Variants in RBMS3 observed in about 807,000 individuals in gnomAD.
RBMS3 encodes the protein RNA binding motif single stranded interacting protein 3.
RBMS3 carries 27 observed loss-of-function variants against 66.8 expected under a neutral mutation model. The ratio of observed to expected loss-of-function variants is 0.40; its 90% CI spans 0.30 to 0.56. The LOEUF (loss-of-function observed/expected upper bound fraction) is 0.56, where lower values mean the gene tolerates loss of function less well. RBMS3 is among the 20% of genes least tolerant of loss of function. The pLI is 0.40. For missense variants in RBMS3, 513 were observed against 549.5 expected (o/e 0.93, Z 0.66); for synonymous variants, 188 against 183.0 (o/e 1.03, Z -0.22).
intron 1 of RBMS3, among the ~76,000 whole-genome samples, chr3:29,287,763 C>T (rs2032483401): frequency 6.6e-6 from 1 of 152,020 alleles, no homozygotes; most frequent in South Asian, 2.1e-4. Context: ...TACTAATCAT[C>T]ACTACCATTC....
intron 4 of RBMS3, among the ~76,000 whole-genome samples, chr3:29,711,937 C>T (rs758723373): frequency 1.3e-5 from 2 of 152,274 alleles, no homozygotes; most frequent in African/African-American, 2.4e-5. Flanking sequence ...GACAACTGCT[C>T]ATGTATCTTT....
At chr3:29,819,265 G>A (rs1373645841) in intron 6 of RBMS3, among the ~76,000 whole-genome samples, 2 of 152,146 alleles carry the variant, frequency 1.3e-5, no homozygotes, top group Non-Finnish European at 2.9e-5. Context: ...GGGCCAACTA[G>A]TAAATATTTT....
chr3:29,309,420 C>T (rs78639787), intron 1 of RBMS3, among the ~76,000 whole-genome samples: 3,559 of 151,666 alleles, frequency 0.023, 122 homozygotes, highest in African/African-American at 0.073. Context: ...ACAACAAACC[C>T]TTTGGGCGTA....
At chr3:29,997,640 G>C (rs1342363311) in intron 14 of RBMS3, among the ~76,000 whole-genome samples, 1 of 151,582 alleles carries the variant, frequency 6.6e-6, no homozygotes, top group Non-Finnish European at 1.5e-5. Flanking sequence ...ATGTAATCCA[G>C]CATATAAACA....
In RBMS3 at chr3:29,897,679, T is replaced by G. The variant is rs747705395; in HGVS notation, c.888+204T>G. Among the ~76,000 whole-genome samples the G allele has an allele frequency of 1.9e-4, 29 of 151,690 alleles. 1 individual carries two copies. The highest frequency in any genetic ancestry group is 1.2e-3 in the Admixed American group (18 of 15,182). On this transcript the variant is annotated intron_variant, in intron 9 of 14. Coordinates refer to ENST00000383767, the MANE Select transcript of RBMS3 (RefSeq NM_001003793.3). ...ATTCACTGGATAATAAAATCCACTATGCTTTTCATTCTTCCTGCTGAGTTT... is the reference window on the plus strand; with the variant it reads ...ATTCACTGGATAATAAAATCCACTAGGCTTTTCATTCTTCCTGCTGAGTTT...
chr3:29,732,947 A>G (rs1262851976), intron 4 of RBMS3, among the ~76,000 whole-genome samples: 1 of 152,090 alleles, frequency 6.6e-6, no homozygotes, highest in Non-Finnish European at 1.5e-5. Context: ...TTATTCACTT[A>G]CTAACTTAAA....
intron 3 of RBMS3, among the ~76,000 whole-genome samples, chr3:29,566,628 A>C (rs1454580536): frequency 8.2e-6 from 1 of 122,154 alleles, no homozygotes; most frequent in African/African-American, 3.3e-5. Flanking sequence ...TCTGCAAAGC[A>C]AAATGCAAAA....
chr3:29,865,341 G>T (rs1022475361), intron 6 of RBMS3, among the ~76,000 whole-genome samples: 10 of 152,242 alleles, frequency 6.6e-5, no homozygotes, highest in African/African-American at 2.4e-4. Flanking sequence ...ATTGTTAGGG[G>T]ACCATAAACA....
At chr3:29,407,573 G>A (rs1242644350) in intron 1 of RBMS3, among the ~76,000 whole-genome samples, 1 of 152,172 alleles carries the variant, frequency 6.6e-6, no homozygotes, top group Non-Finnish European at 1.5e-5. Context: ...ATTATGTAGA[G>A]TCAAATAATC....
chr3:29,420,304 A>G (rs2040656603), intron 1 of RBMS3, among the ~76,000 whole-genome samples: 1 of 152,156 alleles, frequency 6.6e-6, no homozygotes, highest in Admixed American at 6.5e-5. Flanking sequence ...CCATCAATAA[A>G]TCTTCTTCTT....
intron 6 of RBMS3, among the ~76,000 whole-genome samples, chr3:29,814,659 T>G (rs1048975270): frequency 3.3e-5 from 5 of 152,194 alleles, no homozygotes; most frequent in Admixed American, 3.3e-4. Context: ...CAATTTCAGC[T>G]CCTGTTATTG....
intron 3 of RBMS3, among the ~76,000 whole-genome samples, chr3:29,581,719 T>G: frequency 6.6e-6 from 1 of 152,208 alleles, no homozygotes; most frequent in East Asian, 1.9e-4. Context: ...GCCATCTGTG[T>G]TTCAAGCGAG....
At chr3:29,493,784 G>A (rs981935428) in intron 3 of RBMS3, among the ~76,000 whole-genome samples, 5 of 152,168 alleles carry the variant, frequency 3.3e-5, no homozygotes, top group Non-Finnish European at 7.3e-5. Context: ...TGAAGAATTA[G>A]GAGAGAATAA....
chr3:29,382,186 GAA>G (rs1321959148), intron 1 of RBMS3, among the ~76,000 whole-genome samples: 3 of 152,242 alleles, frequency 2.0e-5, no homozygotes, highest in Non-Finnish European at 4.4e-5. Context: ...TGGAATTTTT[GAA>G]AGACGTTTAG....
chr3:29,732,995 T>G (rs1435462483), intron 4 of RBMS3, among the ~76,000 whole-genome samples: 1 of 152,076 alleles, frequency 6.6e-6, no homozygotes, highest in African/African-American at 2.4e-5. Context: ...TTTTTTGGAA[T>G]AATAACTCTT....
At chr3:29,628,011 AAATC>A (rs1469699478) in intron 4 of RBMS3, among the ~76,000 whole-genome samples, 1 of 152,168 alleles carries the variant, frequency 6.6e-6, no homozygotes, top group Non-Finnish European at 1.5e-5. Flanking sequence ...GTTTATATGG[AAATC>A]AATCCTATAT....
chr3:29,668,625 C>A (rs2050864857), intron 4 of RBMS3, among the ~76,000 whole-genome samples: 1 of 151,992 alleles, frequency 6.6e-6, no homozygotes, highest in Non-Finnish European at 1.5e-5. Context: ...AGGGTCTCGG[C>A]CCATGGAATA....
At chr3:29,408,671 T>C (rs1162875919) in intron 1 of RBMS3, among the ~76,000 whole-genome samples, 3 of 152,156 alleles carry the variant, frequency 2.0e-5, no homozygotes, top group Non-Finnish European at 4.4e-5. Flanking sequence ...AATCATAAAA[T>C]GAGTTTACAG....
chr3:29,723,549 G>A (rs578222905), intron 4 of RBMS3, among the ~76,000 whole-genome samples: 2 of 151,944 alleles, frequency 1.3e-5, no homozygotes, highest in African/African-American at 4.8e-5. Context: ...CTAAGAAGGT[G>A]ATCATTTATG....
Sources: allele counts gnomAD v4.1 joint callset (sites outside exome capture counted in the v4.1 genomes callset), GRCh38; gene constraint gnomAD v4.1.1; transcripts MANE v1.5; gene names NCBI Gene and HGNC (gene_info 2026-07-23, HGNC 2026-07-21).